The following EDN1 variants were observed in gnomAD, a reference collection of about 807,000 sequenced individuals.
EDN1 encodes the protein endothelin 1.
A neutral mutation model predicts 21.7 loss-of-function variants in EDN1; 11 were observed. The observed-to-expected ratio is 0.51, with a 90% CI of 0.32 to 0.84. The LOEUF (loss-of-function observed/expected upper bound fraction) is 0.84, where lower values mean the gene tolerates loss of function less well. Ranked by LOEUF, EDN1 falls within the 40% of genes least tolerant of loss-of-function variation. The probability of loss-of-function intolerance (pLI) is 0.03; values close to 1 mark genes in which losing one functional copy is unlikely to be tolerated. For synonymous variants in EDN1, 85 were observed against 90.6 expected (o/e 0.94, Z 0.35); for missense variants, 244 against 262.3 (o/e 0.93, Z 0.48).
the EDN1 span, among the ~76,000 whole-genome samples, chr6:12,243,755 T>G: frequency 1.4e-4 from 21 of 152,364 alleles, no homozygotes; most frequent in South Asian, 1.4e-3. Context: ...AGCAAGAAAT[T>G]AATGTATTTG....
chr6:12,295,657 G>T lies in EDN1; in HGVS notation c.534-305G>T, dbSNP rs183489423. 2.4e-4 allele frequency among the ~76,000 whole-genome samples: 37 copies of T among 152,240 alleles called. No homozygotes were observed. In the South Asian group the frequency reaches 3.1e-3, roughly 13 times the overall value. The stretch of plus-strand genomic sequence containing the variant: ...AAGGCAGGGTCACATAGTGATGAAG[G>T]TTGGGATGGGGCTACGGAAGAAACC... On this transcript the variant is annotated intron_variant, in intron 4 of 4. Coordinates refer to ENST00000379375, the MANE Select transcript of EDN1 (RefSeq NM_001955.5).
At chr6:12,286,635 A>G (rs1561690454), upstream of EDN1, among the ~76,000 whole-genome samples, 3 of 152,242 alleles carry the variant, frequency 2.0e-5, no homozygotes, top group Non-Finnish European at 4.4e-5. Flanking sequence ...TACAAATTTT[A>G]TTACGCAAAA....
chr6:12,264,508 T>C, the EDN1 span, among the ~76,000 whole-genome samples: 2 of 152,064 alleles, frequency 1.3e-5, no homozygotes, highest in African/African-American at 4.8e-5. Context: ...GAAGAGAGAG[T>C]GCTCTAGACC....
the EDN1 span, among the ~76,000 whole-genome samples, chr6:12,275,673 A>G: frequency 2.0e-5 from 3 of 152,188 alleles, no homozygotes; most frequent in Admixed American, 1.3e-4. Context: ...AAGAAATGGT[A>G]TTTTTAAAAG....
In EDN1 at chr6:12,293,990, G is replaced by A. The variant is rs751438470; in HGVS notation, c.283G>A (p.Glu95Lys). The A allele has an allele frequency of 3.1e-6, 5 of 1,614,208 alleles. No individual in the cohort carries two copies. Among genetic ancestry groups the A allele is most frequent in the Non-Finnish European group, 4.2e-6 (5 of 1,180,032 alleles). Residue 95 changes from glutamate (E) to lysine (K), a missense_variant, in exon 3 of 5, where the codon GAG becomes AAG. Transcript: ENST00000379375. ...AAGCCCTAGGTCCAAGAGAGCCTTG[G>A]AGAATTTACTTCCCACAAAGGCAAC... ...LGSPRSKRALENLLPTKATDR... is the reference protein window; with the variant it reads ...LGSPRSKRALKNLLPTKATDR...
the EDN1 span, among the ~76,000 whole-genome samples, chr6:12,275,510 C>G: frequency 6.6e-6 from 1 of 151,994 alleles, no homozygotes; most frequent in African/African-American, 2.4e-5. Flanking sequence ...TTTCCCCAAC[C>G]TTTGGACTTG....
At chr6:12,238,184 A>AG in the EDN1 span, among the ~76,000 whole-genome samples, 2 of 151,730 alleles carry the variant, frequency 1.3e-5, no homozygotes, top group African/African-American at 4.8e-5. Flanking sequence ...AAAAAAAAAA[A>AG]AAAAAAGGGA....
intron 4 of EDN1, 151 bp from the exon 5 acceptor site, chr6:12,295,811 T>C: frequency 1.4e-6 from 1 of 703,344 alleles, no homozygotes; most frequent in Non-Finnish European, 2.4e-6. Flanking sequence ...TAGATATCAC[T>C]TGAGGTTTTA....
chr6:12,285,606 T>C (rs1361497017), upstream of EDN1, among the ~76,000 whole-genome samples: 2 of 152,288 alleles, frequency 1.3e-5, no homozygotes, highest in Middle Eastern at 3.4e-3. Context: ...AGTTTCACTC[T>C]TGTTGCCCAG....
chr6:12,281,559 A>G, the EDN1 span, among the ~76,000 whole-genome samples: 1 of 117,830 alleles, frequency 8.5e-6, no homozygotes, highest in African/African-American at 3.4e-5. Flanking sequence ...TGAGGAGTTG[A>G]TCTCCAAGGA....
At chr6:12,295,619 T>C (rs1762804354) in intron 4 of EDN1, among the ~76,000 whole-genome samples, 2 of 152,160 alleles carry the variant, frequency 1.3e-5, no homozygotes, top group Admixed American at 6.5e-5. Flanking sequence ...TCAAAACCTA[T>C]GCTGAGTTCC....
chr6:12,280,020 G>T, the EDN1 span, among the ~76,000 whole-genome samples: 1 of 152,126 alleles, frequency 6.6e-6, no homozygotes, highest in Admixed American at 6.6e-5. Flanking sequence ...ACTACAGGGA[G>T]AAGTTTTATT....
upstream of EDN1, among the ~76,000 whole-genome samples, chr6:12,286,498 A>C (rs572804872): frequency 3.1e-4 from 47 of 152,368 alleles, no homozygotes; most frequent in Non-Finnish European, 5.9e-4. Flanking sequence ...AGTGGTGTGG[A>C]TAGCTTCACT....
chr6:12,246,322 CAGCTCAGATGCAATCACTTCTTAACAT>C, the EDN1 span, among the ~76,000 whole-genome samples: 1 of 152,160 alleles, frequency 6.6e-6, no homozygotes, highest in Admixed American at 6.5e-5. Context: ...AGACCACATG[CAGCTCAGATGCAATCACTTCTTAACAT>C]AGCTCAGAGG....
the EDN1 span, among the ~76,000 whole-genome samples, chr6:12,274,851 C>T: frequency 6.6e-6 from 1 of 152,318 alleles, no homozygotes; most frequent in East Asian, 1.9e-4. Flanking sequence ...GTTTTCTTGT[C>T]TACCTTGGAT....
chr6:12,280,666 G>A, the EDN1 span, among the ~76,000 whole-genome samples: 17 of 152,202 alleles, frequency 1.1e-4, no homozygotes, highest in Admixed American at 2.0e-4. Flanking sequence ...AGCCTGAGAC[G>A]GACGGATCGC....
At chr6:12,293,860 C>T (rs1762752454) in intron 2 of EDN1, 81 bp from the exon 3 acceptor site, 2 of 1,510,192 alleles carry the variant, frequency 1.3e-6, no homozygotes, top group East Asian at 2.3e-5. Context: ...CTTGTGTGCC[C>T]AGTGGAATAG....
the EDN1 span, among the ~76,000 whole-genome samples, chr6:12,258,236 G>A: frequency 6.6e-6 from 1 of 151,344 alleles, no homozygotes; most frequent in African/African-American, 2.4e-5. Context: ...AAGATCATCT[G>A]AGGCCAGGAG....
the EDN1 span, among the ~76,000 whole-genome samples, chr6:12,249,912 C>T: frequency 2.6e-5 from 4 of 152,044 alleles, no homozygotes; most frequent in Non-Finnish European, 5.9e-5. Context: ...GCCAGAACCA[C>T]GCTCACCTGT....
Sources: allele counts gnomAD v4.1 joint callset (sites outside exome capture counted in the v4.1 genomes callset), GRCh38; gene constraint gnomAD v4.1.1; transcripts MANE v1.5; gene names NCBI Gene and HGNC (gene_info 2026-07-23, HGNC 2026-07-21).